PTPRO: variants seen among roughly 807,000 people sequenced by gnomAD.
The protein encoded by PTPRO is protein tyrosine phosphatase receptor type O.
In PTPRO, 62 loss-of-function variants were observed where a neutral mutation model predicts 145.2. The ratio of observed to expected loss-of-function variants is 0.43; its 90% CI spans 0.35 to 0.53. The LOEUF is 0.53. PTPRO is among the 20% of genes least tolerant of loss of function. PTPRO has a pLI of 0.01. For missense variants in PTPRO, 1,345 were observed against 1,482.7 expected, an observed-to-expected ratio of 0.91 and a Z score of 1.53; for synonymous variants, 565 against 514.7, an observed-to-expected ratio of 1.10 and a Z score of -1.32.
intron 1 of PTPRO, among the ~76,000 whole-genome samples, chr12:15,409,485 C>G (rs1432798374): frequency 6.6e-6 from 1 of 152,112 alleles, no homozygotes; most frequent in Non-Finnish European, 1.5e-5. Context: ...CGTATTCTTC[C>G]ATCGTCTTAT....
intron 12 of PTPRO, among the ~76,000 whole-genome samples, chr12:15,533,583 C>T (rs1233939482): frequency 6.6e-6 from 1 of 152,168 alleles, no homozygotes; most frequent in East Asian, 1.9e-4. Flanking sequence ...TTAATCGGAA[C>T]AAGTTTAACC....
chr12:15,454,897 C>A (rs2136385471), intron 1 of PTPRO, among the ~76,000 whole-genome samples: 1 of 152,190 alleles, frequency 6.6e-6, no homozygotes, highest in South Asian at 2.1e-4. Flanking sequence ...AACATATATG[C>A]TCGTGTTAAC....
chr12:15,332,680 T>C (rs1315946916), intron 1 of PTPRO, among the ~76,000 whole-genome samples: 1 of 152,216 alleles, frequency 6.6e-6, no homozygotes, highest in Non-Finnish European at 1.5e-5. Flanking sequence ...TTAGATATTG[T>C]CTCTAATATC....
chr12:15,439,958 G>A (rs552446217), intron 1 of PTPRO: 7 of 686,200 alleles, frequency 1.0e-5, no homozygotes, highest in Admixed American at 1.0e-4. Context: ...GTGCTCCAAG[G>A]AGGTGGCCAC....
intron 1 of PTPRO, among the ~76,000 whole-genome samples, chr12:15,351,808 A>C (rs1014716074): frequency 6.6e-6 from 1 of 152,200 alleles, no homozygotes; most frequent in Non-Finnish European, 1.5e-5. Flanking sequence ...TTGCTCCTTC[A>C]TTCACTCTAG....
chr12:15,380,745 A>G (rs890430484), intron 1 of PTPRO, among the ~76,000 whole-genome samples: 3 of 152,276 alleles, frequency 2.0e-5, no homozygotes, highest in Non-Finnish European at 2.9e-5. Context: ...TGCACTATCA[A>G]ATTTTTTCTT....
At chr12:15,360,257 G>A (rs1938133211) in intron 1 of PTPRO, among the ~76,000 whole-genome samples, 1 of 152,016 alleles carries the variant, frequency 6.6e-6, no homozygotes, top group Non-Finnish European at 1.5e-5. Flanking sequence ...TATCTTCTTA[G>A]CACCTAAAGC....
At chr12:15,459,441 G>A (rs533933482) in intron 1 of PTPRO, among the ~76,000 whole-genome samples, 15 of 152,266 alleles carry the variant, frequency 9.9e-5, no homozygotes, top group East Asian at 9.7e-4. Flanking sequence ...TTCCCTCTCC[G>A]GAGAGAAGCT....
chr12:15,581,810 C>T lies in PTPRO; in HGVS notation c.3255+9C>T, dbSNP rs1944325327. 2.5e-6 allele frequency: 4 copies of T among 1,613,500 alleles called. No individual in the cohort carries two copies. The highest frequency in any genetic ancestry group is 2.5e-6 in the Non-Finnish European group (3 of 1,179,720). On this transcript the variant is annotated intron_variant, in intron 23 of 26. Transcript: ENST00000281171. ...ACTTCCGGATCAACTATGTAAGTCA[C>T]CAGGCAGAGAGCAGGTGCTGTCCCT...
At chr12:15,436,329 T>C (rs115469507) in intron 1 of PTPRO, among the ~76,000 whole-genome samples, 3,483 of 152,242 alleles carry the variant, frequency 0.023, 148 homozygotes, top group African/African-American at 0.079. Context: ...AAAATAAATT[T>C]ATAAAAAGTT....
At chr12:15,540,236 C>T (rs903146679) in intron 12 of PTPRO, among the ~76,000 whole-genome samples, 2 of 152,074 alleles carry the variant, frequency 1.3e-5, no homozygotes, top group Admixed American at 6.6e-5. Flanking sequence ...TTGGCCAAGT[C>T]GAATATACTA....
In PTPRO at chr12:15,490,530, A is replaced by G. The variant is rs888648648; in HGVS notation, c.349+6283A>G. The stretch of plus-strand genomic sequence containing the variant: ...TTTTGTTTAGGCACAACATCTAAAA[A>G]TGTAAAAGCCTTTCTTAGCTCAAAA... On this transcript the variant is annotated intron_variant, in intron 2 of 26. Transcript: ENST00000281171. Among the ~76,000 whole-genome samples the G allele has an allele frequency of 2.0e-5, 3 of 152,212 alleles. No individual in the cohort carries two copies. The South Asian group carries it at 6.2e-4, about 31-fold the overall frequency.
chr12:15,363,041 G>C (rs1007354661), intron 1 of PTPRO, among the ~76,000 whole-genome samples: 4 of 152,130 alleles, frequency 2.6e-5, no homozygotes, highest in Admixed American at 6.6e-5. Flanking sequence ...TGCAAAATGT[G>C]ATGGAAATGA....
intron 1 of PTPRO, among the ~76,000 whole-genome samples, chr12:15,472,432 G>A (rs1941563520): frequency 1.3e-5 from 2 of 152,280 alleles, no homozygotes; most frequent in South Asian, 4.1e-4. Context: ...TTAGCAAGGC[G>A]TGTCTTGGTC....
At chr12:15,463,583 G>C (rs538253272) in intron 1 of PTPRO, among the ~76,000 whole-genome samples, 45 of 152,192 alleles carry the variant, frequency 3.0e-4, no homozygotes, top group African/African-American at 1.0e-3. Flanking sequence ...AACCAGAAAA[G>C]ATGCAAAATA....
intron 1 of PTPRO, among the ~76,000 whole-genome samples, chr12:15,340,555 A>T (rs1866943655): frequency 6.6e-6 from 1 of 152,216 alleles, no homozygotes; most frequent in African/African-American, 2.4e-5. Context: ...ATATATTCGT[A>T]AACGTCAGGC....
At chr12:15,352,377 G>A (rs186315334) in intron 1 of PTPRO, among the ~76,000 whole-genome samples, 199 of 152,306 alleles carry the variant, frequency 1.3e-3, no homozygotes, top group Middle Eastern at 6.8e-3. Flanking sequence ...TCAGCCAGGC[G>A]TGGTGGCTCA....
At chr12:15,456,997 T>C (rs1205758243) in intron 1 of PTPRO, among the ~76,000 whole-genome samples, 2 of 152,246 alleles carry the variant, frequency 1.3e-5, no homozygotes, top group African/African-American at 4.8e-5. Context: ...TTCCTTCTGC[T>C]AATTTTGGGC....
chr12:15,588,104 G>A (rs1241971810), intron 24 of PTPRO, among the ~76,000 whole-genome samples: 1 of 152,136 alleles, frequency 6.6e-6, no homozygotes, highest in Non-Finnish European at 1.5e-5. Context: ...TTCTCAAAAT[G>A]GTTCTTTTCA....
Sources: allele counts gnomAD v4.1 joint callset (sites outside exome capture counted in the v4.1 genomes callset), GRCh38; gene constraint gnomAD v4.1.1; transcripts MANE v1.5; gene names NCBI Gene and HGNC (gene_info 2026-07-23, HGNC 2026-07-21).